TAF1A: variants seen among roughly 807,000 people sequenced by gnomAD.
The protein encoded by TAF1A is TATA-box binding protein associated factor, RNA polymerase I subunit A.
Under a neutral mutation model 61.6 loss-of-function variants are expected in TAF1A, and 42 were observed. That is an observed-to-expected ratio of 0.68 (90% CI 0.53 to 0.88). The LOEUF (loss-of-function observed/expected upper bound fraction) is 0.88. Among genes scored for constraint, TAF1A ranks in the 40% least tolerant of loss-of-function variants. TAF1A has a pLI of 0.00. For synonymous variants in TAF1A, 179 were observed against 177.7 expected, an observed-to-expected ratio of 1.01 and a Z score of -0.06; for missense variants, 424 against 518.7, an observed-to-expected ratio of 0.82 and a Z score of 1.77.
intron 5 of TAF1A, among the ~76,000 whole-genome samples, chr1:222,572,665 T>C (rs1466655773): frequency 6.6e-6 from 1 of 152,202 alleles, no homozygotes; most frequent in East Asian, 1.9e-4. Flanking sequence ...GGCTGCTAAC[T>C]AATTTTCAGT....
chr1:222,566,954 C>T (rs943577986), intron 7 of TAF1A, among the ~76,000 whole-genome samples: 2 of 152,138 alleles, frequency 1.3e-5, no homozygotes, highest in African/African-American at 2.4e-5. Flanking sequence ...TGAGTATACA[C>T]CCAAAAGAAG....
rs1660164688 is a variant in TAF1A at position 222,567,505 on chromosome 1, A to G, written c.894+2005T>C. On this transcript the variant is annotated intron_variant, in intron 7 of 10. Transcript: ENST00000352967. ...TTTAAAATGTTAAGCAATATTATATACAACAACCCCATGAAACACTTAGGG... is the reference window on the plus strand; with the variant it reads ...TTTAAAATGTTAAGCAATATTATATGCAACAACCCCATGAAACACTTAGGG... 2.6e-5 allele frequency among the ~76,000 whole-genome samples: 4 copies of G among 152,228 alleles called. No homozygotes were observed. In the South Asian group the frequency reaches 8.3e-4, roughly 32 times the overall value.
chr1:222,562,482 T>A (rs2102638673), intron 9 of TAF1A, among the ~76,000 whole-genome samples: 1 of 152,318 alleles, frequency 6.6e-6, no homozygotes, highest in South Asian at 2.1e-4. Flanking sequence ...AAAACCATTT[T>A]ATAAACAGCA....
At chr1:222,579,141 A>G (rs1044169388) in intron 4 of TAF1A, among the ~76,000 whole-genome samples, 2 of 152,206 alleles carry the variant, frequency 1.3e-5, no homozygotes, top group African/African-American at 4.8e-5. Flanking sequence ...TTCCACTCAC[A>G]GTATACCTGG....
chr1:222,572,709 A>C (rs765088600), intron 5 of TAF1A, among the ~76,000 whole-genome samples: 5 of 151,836 alleles, frequency 3.3e-5, no homozygotes, highest in Non-Finnish European at 5.9e-5. Context: ...GGAAAATAAT[A>C]GACTTTTCAA....
In TAF1A at chr1:222,577,524, T is replaced by C; in HGVS notation, c.525A>G (p.Leu175=). 1 of 1,613,994 alleles carries C rather than the reference T, an allele frequency of 6.2e-7. No homozygotes were observed. The highest frequency in any genetic ancestry group is 1.1e-5 in the South Asian group (1 of 91,080). ...HGENTSSREI[L]INLIQAYKGL... ...CTTTATAGGCCTGAATAAGGTTGAT[T>C]AATATTTCCCGGGAAGACGTATTTT... The change falls in exon 5 of 11, where the codon TTA becomes TTG. Residue 175 remains leucine (L), a synonymous_variant. Transcript: ENST00000352967.
At chr1:222,562,411 G>T (rs17163219) in intron 9 of TAF1A, among the ~76,000 whole-genome samples, 5,955 of 152,208 alleles carry the variant, frequency 0.039, 216 homozygotes, top group African/African-American at 0.087. Flanking sequence ...TCTAGTAGAA[G>T]TTTATTCAGG....
chr1:222,559,578 T>G (rs553548290), intron 10 of TAF1A, among the ~76,000 whole-genome samples: 52 of 152,370 alleles, frequency 3.4e-4, no homozygotes, highest in Admixed American at 1.2e-3. Context: ...TCAGCTTGTA[T>G]GCATCCATCT....
chr1:222,575,913 T>C (rs904971199), intron 5 of TAF1A, among the ~76,000 whole-genome samples: 7 of 152,198 alleles, frequency 4.6e-5, no homozygotes, highest in African/African-American at 4.8e-5. Context: ...TACCTAACCA[T>C]GTATAAGAAG....
chr1:222,579,671 T>C (rs544296578), intron 4 of TAF1A, 88 bp downstream of exon 4: 2 of 1,480,050 alleles, frequency 1.4e-6, no homozygotes, highest in East Asian at 4.7e-5. Flanking sequence ...TCCCACATTT[T>C]TTAGGTTAAC....
At chr1:222,557,583 T>C (rs1659747656), downstream of TAF1A, among the ~76,000 whole-genome samples, 1 of 151,774 alleles carries the variant, frequency 6.6e-6, no homozygotes, top group Non-Finnish European at 1.5e-5. Context: ...CCCAAATAGC[T>C]AGGACTACAA....
At chr1:222,588,306 TC>T in intron 2 of TAF1A, 136 bp downstream of exon 2, 1 of 1,022,482 alleles carries the variant, frequency 9.8e-7, no homozygotes, top group Non-Finnish European at 1.4e-6. Flanking sequence ...AAAAAAGATT[TC>T]TTTTGGCTTT....
rs748611023 is a variant in TAF1A, at chr1:222,569,542, C to T, written c.862G>A (p.Ala288Thr). Residue 288 changes from alanine to threonine, a missense_variant, in exon 7 of 11, where the codon GCA (alanine) becomes ACA (threonine). By Grantham distance (58) the Ala-to-Thr change is moderately conservative (BLOSUM62 0). Transcript: ENST00000352967. Reference sequence around the variant, plus strand: ...ACACTTATCAATTTTGATCTTGGTGCCTTCTGTCTCTTTAGAAAGTTGTAT... The same window carrying T: ...ACACTTATCAATTTTGATCTTGGTGTCTTCTGTCTCTTTAGAAAGTTGTAT... ...YLYNFLKRQKAPRSKLISVLK... is the reference protein window; with the variant it reads ...YLYNFLKRQKTPRSKLISVLK... 9 of 1,613,890 alleles carry T rather than the reference C, an allele frequency of 5.6e-6. No individual in the cohort carries two copies. In the East Asian group the frequency reaches 1.6e-4, roughly 28 times the overall value.
chr1:222,573,807 C>T (rs545287632), intron 5 of TAF1A, among the ~76,000 whole-genome samples: 55 of 152,178 alleles, frequency 3.6e-4, no homozygotes, highest in Non-Finnish European at 6.9e-4. Flanking sequence ...TAAATGTTCA[C>T]AGCAATGTTA....
In TAF1A at chr1:222,579,882, C is replaced by T; in HGVS notation, c.292-10G>A. On this transcript the variant is annotated splice_polypyrimidine_tract_variant and intron_variant, in intron 3 of 10. Coordinates refer to ENST00000352967, the MANE Select transcript of TAF1A (RefSeq NM_005681.4). The stretch of plus-strand genomic sequence containing the variant: ...CGAGCTTCCAAATAATCTGTCAAAG[C>T]AGAAATTACTGCCAAAATGTAAAAT... 1.3e-6 allele frequency: 2 copies of T among 1,588,194 alleles called. No homozygotes were observed. Among genetic ancestry groups the T allele is most frequent in the South Asian group, 1.2e-5 (1 of 85,802 alleles).
At chr1:222,555,641 A>C (rs975669060), downstream of TAF1A, among the ~76,000 whole-genome samples, 1 of 152,202 alleles carries the variant, frequency 6.6e-6, no homozygotes, top group African/African-American at 2.4e-5. Context: ...AATGTCCAGC[A>C]TGGTGATGAC....
intron 6 of TAF1A, among the ~76,000 whole-genome samples, chr1:222,570,011 T>A (rs917048882): frequency 3.3e-5 from 5 of 152,240 alleles, no homozygotes; most frequent in African/African-American, 1.2e-4. Context: ...ATCTCCAGAT[T>A]ATGATTTTGG....
chr1:222,558,873 T>C, intron 10 of TAF1A, 101 bp from the exon 11 acceptor site: 2 of 493,844 alleles, frequency 4.0e-6, no homozygotes, highest in East Asian at 3.1e-5. Context: ...ACACTAATGA[T>C]TATGAAAATA....
At chr1:222,554,382 G>A (rs114609757), downstream of TAF1A, among the ~76,000 whole-genome samples, 780 of 152,292 alleles carry the variant, frequency 5.1e-3, 9 homozygotes, top group African/African-American at 0.018. Flanking sequence ...GGACTGAGTC[G>A]ACTCTTACCT....
Sources: gnomAD v4.1 joint callset for allele counts (sites outside exome capture counted in the v4.1 genomes callset) on GRCh38, gnomAD v4.1.1 for gene constraint, MANE v1.5 for transcripts, NCBI Gene and HGNC (gene_info 2026-07-23, HGNC 2026-07-21) for gene names.